Variants in ELOVL5 observed in about 807,000 individuals in gnomAD.
ELOVL5 encodes the protein very long chain fatty acid elongase 5.
ELOVL5 carries 8 observed loss-of-function variants against 38.6 expected under a neutral mutation model. The ratio of observed to expected loss-of-function variants is 0.21; its 90% confidence interval spans 0.12 to 0.37. The LOEUF is 0.37. Among genes scored for constraint, ELOVL5 ranks in the 10% least tolerant of loss-of-function variants. The pLI is 1.00. For missense variants in ELOVL5, 280 were observed against 367.8 expected, an observed-to-expected ratio of 0.76 and a Z score of 1.95; for synonymous variants, 127 against 133.7, an observed-to-expected ratio of 0.95 and a Z score of 0.34.
At chr6:53,348,473 G>T (rs1769677745) in intron 1 of ELOVL5, among the ~76,000 whole-genome samples, 1 of 152,100 alleles carries the variant, frequency 6.6e-6, no homozygotes, top group South Asian at 2.1e-4. Context: ...CTCCGCGTCT[G>T]GTGTGGGCAC....
rs188934598 is a variant in ELOVL5, at chr6:53,335,433, C to A, written c.-9+13384G>T. 4.7e-3 allele frequency among the ~76,000 whole-genome samples: 712 copies of A among 152,254 alleles called. 14 individuals are homozygous for A. The highest frequency in any genetic ancestry group is 1.1e-3 in the Non-Finnish European group (78 of 68,020). ...TGCCTCCGAGCCTTTGCTTCAATAC[C>A]CTGCCCATTTCCTCAGTCCAGAGAG... On this transcript the variant is annotated intron_variant, in intron 1 of 7. Transcript: ENST00000304434.
intron 1 of ELOVL5, among the ~76,000 whole-genome samples, chr6:53,331,441 G>A (rs1288763751): frequency 1.3e-5 from 2 of 152,200 alleles, no homozygotes; most frequent in East Asian, 3.8e-4. Flanking sequence ...AATTGTATGT[G>A]TGATACTTTT....
intron 1 of ELOVL5, among the ~76,000 whole-genome samples, chr6:53,321,214 A>G (rs1276781357): frequency 6.6e-6 from 1 of 152,234 alleles, no homozygotes; most frequent in Non-Finnish European, 1.5e-5. Flanking sequence ...TGTGTACTGC[A>G]GAGACATTTC....
At chr6:53,279,446 C>T (rs999764790) in intron 3 of ELOVL5, among the ~76,000 whole-genome samples, 2 of 152,198 alleles carry the variant, frequency 1.3e-5, no homozygotes, top group African/African-American at 4.8e-5. Flanking sequence ...TGCTCACATG[C>T]TCCCTTTGTT....
chr6:53,323,560 G>A (rs1373526748), intron 1 of ELOVL5, among the ~76,000 whole-genome samples: 2 of 143,988 alleles, frequency 1.4e-5, no homozygotes, highest in African/African-American at 2.6e-5. Flanking sequence ...GCTCTACCAC[G>A]TCCAATACTA....
At chr6:53,280,476 A>G (rs988321717) in intron 3 of ELOVL5, among the ~76,000 whole-genome samples, 17 of 152,334 alleles carry the variant, frequency 1.1e-4, no homozygotes, top group Admixed American at 7.2e-4. Flanking sequence ...CCTAGCTACA[A>G]GCTCTTTTCT....
intron 2 of ELOVL5, chr6:53,294,101 C>T: frequency 7.3e-7 from 1 of 1,373,670 alleles, no homozygotes; most frequent in Non-Finnish European, 9.5e-7. Flanking sequence ...TAACTTAAAC[C>T]TCTGATTTAC....
chr6:53,285,960 G>A (rs1283325252), intron 3 of ELOVL5, among the ~76,000 whole-genome samples: 8 of 151,974 alleles, frequency 5.3e-5, no homozygotes, highest in Admixed American at 5.2e-4. Flanking sequence ...TAATGCGATT[G>A]CACACTTAAT....
intron 1 of ELOVL5, among the ~76,000 whole-genome samples, chr6:53,318,259 C>G (rs528577763): frequency 1.4e-4 from 22 of 152,082 alleles, no homozygotes; most frequent in African/African-American, 5.3e-4. Flanking sequence ...AAAAAGCTAC[C>G]AAGAGTATAG....
At chr6:53,303,615 C>T (rs1327107533) in intron 1 of ELOVL5, among the ~76,000 whole-genome samples, 9 of 152,196 alleles carry the variant, frequency 5.9e-5, no homozygotes, top group African/African-American at 1.2e-4. Context: ...CTACAAAGCA[C>T]TGCCACAGGT....
rs1765792530 is a variant in ELOVL5, at chr6:53,267,835, A to T, written c.*1292T>A. The T allele has an allele frequency of 6.6e-6, 1 of 152,448 alleles. No individual in the cohort carries two copies. The highest frequency in any genetic ancestry group is 1.5e-5 in the Non-Finnish European group (1 of 68,034). The allele number at this position is 152,448 out of a possible 1,614,324, so 9.4% of individuals were successfully genotyped here. On this transcript the variant is annotated 3_prime_UTR_variant, in exon 8 of 8. Coordinates refer to ENST00000304434, the MANE Select transcript of ELOVL5 (RefSeq NM_021814.5). ...GAAGGTATTCAGAGGCTAAATTCCG[A>T]CACTTTAAAATGACACACATCATAG...
At chr6:53,334,104 C>T (rs1363451759) in intron 1 of ELOVL5, among the ~76,000 whole-genome samples, 1 of 152,124 alleles carries the variant, frequency 6.6e-6, no homozygotes, top group African/African-American at 2.4e-5. Flanking sequence ...CTTCTGAAAC[C>T]AAAAACTTTT....
At chr6:53,313,033 G>C (rs1767905385) in intron 1 of ELOVL5, among the ~76,000 whole-genome samples, 1 of 152,158 alleles carries the variant, frequency 6.6e-6, no homozygotes, top group Admixed American at 6.5e-5. Flanking sequence ...ATACTGTTTT[G>C]ATCAACCCAA....
chr6:53,311,069 G>T (rs1388812317), intron 1 of ELOVL5, among the ~76,000 whole-genome samples: 3 of 152,168 alleles, frequency 2.0e-5, no homozygotes, highest in Admixed American at 6.5e-5. Flanking sequence ...GAGCTGACAG[G>T]TGACTGGGTG....
intron 1 of ELOVL5, among the ~76,000 whole-genome samples, chr6:53,304,436 C>CTTTTATTTTA (rs61664888): frequency 1.1e-3 from 159 of 150,840 alleles, no homozygotes; most frequent in Non-Finnish European, 1.4e-3. Flanking sequence ...ACACACACCT[C>CTTTTATTTTA]TTTTATTTTA....
intron 1 of ELOVL5, among the ~76,000 whole-genome samples, chr6:53,321,450 A>G (rs1046538513): frequency 4.6e-5 from 7 of 152,312 alleles, no homozygotes; most frequent in Admixed American, 3.3e-4. Flanking sequence ...AGTTTTCACT[A>G]TTTTCAAATA....
At position 53,348,575 on chromosome 6, in the gene ELOVL5, G is replaced by A. The variant is rs569722493; in HGVS notation, c.-9+242C>T. 6.6e-5 allele frequency among the ~76,000 whole-genome samples: 10 copies of A among 152,268 alleles called. No homozygotes were observed. In the South Asian group the frequency reaches 1.9e-3, roughly 28 times the overall value. On this transcript the variant is annotated intron_variant, in intron 1 of 7. Coordinates refer to ENST00000304434, the MANE Select transcript of ELOVL5 (RefSeq NM_021814.5). ...GCGCCCTGCCTCAGCCTCGGCGTGG[G>A]GCGAGCCGCCCGCGCCCGCACCCGC... is the stretch of plus-strand genomic sequence containing the variant.
In ELOVL5 at chr6:53,275,157, G is replaced by A. The variant is rs369555925; in HGVS notation, c.429C>T (p.His143=). 4 of 1,614,060 alleles carry A rather than the reference G, an allele frequency of 2.5e-6. No individual in the cohort carries two copies. The highest frequency in any genetic ancestry group is 1.3e-5 in the African/African-American group (1 of 74,920). The part of the protein sequence containing the change: ...RKNNHQITVL[H]VYHHASMLNI... Reference sequence around the variant, plus strand: ...TCAGCATCGAGGCATGGTGGTAGACGTGCAGGACCGTGATCTGGTGGTTGT... The same window carrying A: ...TCAGCATCGAGGCATGGTGGTAGACATGCAGGACCGTGATCTGGTGGTTGT... The change falls in exon 5 of 8, where the codon CAC becomes CAT. Residue 143 remains histidine, a synonymous_variant. Coordinates refer to ENST00000304434, the MANE Select transcript of ELOVL5 (RefSeq NM_021814.5).
chr6:53,329,038 C>T (rs1178355839), intron 1 of ELOVL5, among the ~76,000 whole-genome samples: 1 of 152,156 alleles, frequency 6.6e-6, no homozygotes, highest in East Asian at 1.9e-4. Flanking sequence ...AGGTGACACA[C>T]ATAGAGCCTG....
Sources: allele counts gnomAD v4.1 joint callset (sites outside exome capture counted in the v4.1 genomes callset), GRCh38; gene constraint gnomAD v4.1.1; transcripts MANE v1.5; gene names NCBI Gene and HGNC (gene_info 2026-07-23, HGNC 2026-07-21).